TREM2: variants seen among roughly 807,000 people sequenced by gnomAD.
TREM2 encodes the protein triggering receptor expressed on monocytes 2.
Under a neutral mutation model 22.9 loss-of-function variants are expected in TREM2, and 20 were observed. The observed-to-expected ratio is 0.87, with a 90% CI of 0.61 to 1.27. The LOEUF (loss-of-function observed/expected upper bound fraction) is 1.27, where lower values mean the gene tolerates loss of function less well. TREM2 is among the 50% of genes most tolerant of loss of function. The probability of loss-of-function intolerance (pLI) is 0.00; values close to 1 mark genes in which losing one functional copy is unlikely to be tolerated. For synonymous variants in TREM2, 111 were observed against 120.9 expected (o/e 0.92, Z 0.54); for missense variants, 267 against 289.0 (o/e 0.92, Z 0.55).
chr6:41,161,677 C>T, intron 1 of TREM2, 64 bp from the exon 2 acceptor site: 2 of 1,414,278 alleles, frequency 1.4e-6, no homozygotes, highest in South Asian at 1.2e-5. Context: ...TTGCTCTGTG[C>T]AGTGACCTAA....
intron 2 of TREM2, among the ~76,000 whole-genome samples, 193 bp from the exon 3 acceptor site, chr6:41,160,075 G>A (rs796448179): frequency 4.6e-5 from 7 of 152,260 alleles, no homozygotes; most frequent in African/African-American, 1.7e-4. Flanking sequence ...CTTAATAGCA[G>A]GGTTGCCAGG....
chr6:41,159,650 G>A, intron 3 of TREM2, 142 bp downstream of exon 3: 2 of 728,758 alleles, frequency 2.7e-6, no homozygotes, highest in Non-Finnish European at 5.0e-6. Context: ...TGGTGGAGGG[G>A]TGTTTACATA....
At chr6:41,162,837 C>CT (rs1449442617) in intron 1 of TREM2, among the ~76,000 whole-genome samples, 2 of 152,074 alleles carry the variant, frequency 1.3e-5, no homozygotes, top group Admixed American at 1.3e-4. Flanking sequence ...CAGAAAGAGT[C>CT]TGAGGGTAGG....
rs1561879817 is a variant in TREM2 at position 41,163,088 on chromosome 6, C to T, written c.-6G>A. ...AGCAGCCGGAGAGGCTCCATGCCAC[C>T]CTTCCCCAGCCAAGGGCAGAAGCAG... On this transcript the variant is annotated 5_prime_UTR_variant, in exon 1 of 5. Coordinates refer to ENST00000373113, the MANE Select transcript of TREM2 (RefSeq NM_018965.4). The T allele has an allele frequency of 1.2e-6, 2 of 1,614,088 alleles. No individual in the cohort carries two copies. The highest frequency in any genetic ancestry group is 1.7e-6 in the Non-Finnish European group (2 of 1,179,982).
In TREM2 at chr6:41,158,747, C is replaced by G; in HGVS notation, c.*17G>C. ...CTGGTGGGACTTCTCCTGGGCTTTT[C>G]CTCCCATCATCTTCCTTCACGTGTC... On this transcript the variant is annotated 3_prime_UTR_variant, in exon 5 of 5. Coordinates refer to ENST00000373113, the MANE Select transcript of TREM2 (RefSeq NM_018965.4). 1 of 1,614,216 alleles carries G rather than the reference C, an allele frequency of 6.2e-7. No individual in the cohort carries two copies. Among genetic ancestry groups the G allele is most frequent in the Non-Finnish European group, 8.5e-7 (1 of 1,180,040 alleles).
rs745368556 is a variant in TREM2, at chr6:41,161,227, A to T, written c.391+36T>A. 1.5e-5 allele frequency: 24 copies of T among 1,589,264 alleles called. No individual in the cohort carries two copies. In the Admixed American group the frequency reaches 3.7e-4, roughly 24 times the overall value. ...ACGCCCAAAACATGAGGCCTGGAAC[A>T]GGGGCAGGCCAGAGAGGCAGCCACT... is the stretch of plus-strand genomic sequence containing the variant. On this transcript the variant is annotated intron_variant, in intron 2 of 4. Coordinates refer to ENST00000373113, the MANE Select transcript of TREM2 (RefSeq NM_018965.4).
In TREM2 at chr6:41,161,596, T is replaced by TG; in HGVS notation, c.57dup (p.Asn20GlnfsTer20). On this transcript the variant is annotated frameshift_variant, in exon 2 of 5. Transcript: ENST00000373113. LOFTEE classifies it high-confidence loss of function. Reference sequence around the variant, plus strand: ...GCCACGCCCTGGAACACTGTGGTGTTGTGGGCTCCGGACAGCTCTGGGGAG... The same window carrying TG: ...GCCACGCCCTGGAACACTGTGGTGTTGGTGGGCTCCGGACAGCTCTGGGGAG... 1 of 1,613,838 alleles carries TG rather than the reference T, an allele frequency of 6.2e-7. No homozygotes were observed. The highest frequency in any genetic ancestry group is 8.5e-7 in the Non-Finnish European group (1 of 1,179,932).
intron 3 of TREM2, 183 bp from the exon 4 acceptor site, chr6:41,159,249 T>A (rs1765497361): frequency 1.4e-6 from 1 of 707,464 alleles, no homozygotes. Context: ...GTTCTAGGCA[T>A]GCTCTGCCAC....
At chr6:41,161,161 C>G in intron 2 of TREM2, 102 bp downstream of exon 2, 2 of 1,077,410 alleles carry the variant, frequency 1.9e-6, no homozygotes, top group South Asian at 1.4e-5. Flanking sequence ...GATGGGTTTT[C>G]CCAGGATCCC....
At chr6:41,162,368 G>A (rs762787184) in intron 1 of TREM2, among the ~76,000 whole-genome samples, 7 of 152,136 alleles carry the variant, frequency 4.6e-5, no homozygotes, top group Non-Finnish European at 7.4e-5. Context: ...TCAGAACCCC[G>A]CCTTCCCCCT....
intron 3 of TREM2, 63 bp downstream of exon 3, chr6:41,159,729 C>A: frequency 1.3e-6 from 2 of 1,482,020 alleles, no homozygotes; most frequent in Non-Finnish European, 1.9e-6. Context: ...CAGCCCCCAC[C>A]CCCGTGGGGC....
chr6:41,159,429 A>G (rs903265680), intron 3 of TREM2, among the ~76,000 whole-genome samples: 4 of 152,212 alleles, frequency 2.6e-5, no homozygotes, highest in Non-Finnish European at 5.9e-5. Flanking sequence ...GGTCCTACCA[A>G]TGAAGCAGAG....
intron 2 of TREM2, 113 bp downstream of exon 2, chr6:41,161,150 C>T (rs1349056125): frequency 2.5e-5 from 24 of 973,876 alleles, no homozygotes; most frequent in African/African-American, 9.7e-5. Flanking sequence ...TGAGACCATA[C>T]GATGGGTTTT....
chr6:41,161,117 C>CTTGGTAGCCCTGAGTA (rs1561878588), intron 2 of TREM2, 146 bp downstream of exon 2: 3 of 788,846 alleles, frequency 3.8e-6, no homozygotes, highest in Non-Finnish European at 6.2e-6. Context: ...CACAACTATC[C>CTTGGTAGCCCTGAGTA]TTGGTAGCCC....
chr6:41,160,479 G>A (rs555975733), intron 2 of TREM2, among the ~76,000 whole-genome samples: 1 of 152,112 alleles, frequency 6.6e-6, no homozygotes, highest in South Asian at 2.1e-4. Flanking sequence ...CCCCAGATTT[G>A]TTCTCCTTTG....
intron 2 of TREM2, among the ~76,000 whole-genome samples, 159 bp from the exon 3 acceptor site, chr6:41,160,041 A>C (rs1358790554): frequency 6.6e-6 from 1 of 152,104 alleles, no homozygotes; most frequent in East Asian, 1.9e-4. Context: ...CCCCACTTAT[A>C]AAGTGGGCCG....
chr6:41,162,412 C>A (rs1466940903), intron 1 of TREM2, among the ~76,000 whole-genome samples: 1 of 152,214 alleles, frequency 6.6e-6, no homozygotes, highest in African/African-American at 2.4e-5. Context: ...GAACAAGACT[C>A]CATTTGGCAC....
chr6:41,162,689 A>T lies in TREM2; in HGVS notation c.40+354T>A, dbSNP rs567549437. ...TGTAGGGGCTCATAATTAGTGGCTT[A>T]TAATTTCAGAGGCTATTACCAGTGC... On this transcript the variant is annotated intron_variant, in intron 1 of 4. Transcript: ENST00000373113. 3.3e-5 allele frequency among the ~76,000 whole-genome samples: 5 copies of T among 152,228 alleles called. No individual in the cohort carries two copies. The South Asian group carries it at 1.0e-3, about 32-fold the overall frequency.
chr6:41,160,063 T>C (rs1765523010), intron 2 of TREM2, among the ~76,000 whole-genome samples, 181 bp from the exon 3 acceptor site: 1 of 152,096 alleles, frequency 6.6e-6, no homozygotes, highest in Admixed American at 6.5e-5. Context: ...TAGGAACACT[T>C]CCTTAATAGC....
Sources: gnomAD v4.1 joint callset for allele counts (sites outside exome capture counted in the v4.1 genomes callset) on GRCh38, gnomAD v4.1.1 for gene constraint, MANE v1.5 for transcripts, NCBI Gene and HGNC (gene_info 2026-07-23, HGNC 2026-07-21) for gene names.